ROBO2: variants seen among roughly 807,000 people sequenced by gnomAD.
ROBO2 encodes roundabout homolog 2.
A neutral mutation model predicts 160.8 loss-of-function variants in ROBO2; 53 were observed. The observed-to-expected ratio is 0.33, with a 90% CI of 0.26 to 0.41. ROBO2 has a LOEUF of 0.41. ROBO2 is among the 10% of genes least tolerant of loss of function. ROBO2 has a pLI of 1.00. For synonymous variants in ROBO2, 664 were observed against 611.7 expected (o/e 1.09, Z -1.26); for missense variants, 1,577 against 1,722.4 (o/e 0.92, Z 1.49).
chr3:77,264,331 T>C (rs1441955), intron 2 of ROBO2, among the ~76,000 whole-genome samples: 75,612 of 151,986 alleles, frequency 0.5, 20,028 homozygotes, highest in Middle Eastern at 0.7. Flanking sequence ...TTTTAACAAC[T>C]CCTGACTTTG....
At chr3:76,999,763 C>A (rs2061237629) in intron 2 of ROBO2, among the ~76,000 whole-genome samples, 1 of 152,164 alleles carries the variant, frequency 6.6e-6, no homozygotes, top group African/African-American at 2.4e-5. Context: ...TGTTGAGGCT[C>A]CTAAGGCAGG....
intron 2 of ROBO2, among the ~76,000 whole-genome samples, chr3:76,930,266 C>T (rs2077251351): frequency 6.6e-6 from 1 of 152,104 alleles, no homozygotes; most frequent in Non-Finnish European, 1.5e-5. Flanking sequence ...CTCTGCCTTC[C>T]AAAGTGCTGG....
At chr3:77,414,079 C>G (rs1038681531) in intron 2 of ROBO2, among the ~76,000 whole-genome samples, 4 of 151,482 alleles carry the variant, frequency 2.6e-5, no homozygotes, top group Non-Finnish European at 4.4e-5. Flanking sequence ...GAGGACCCAG[C>G]AGAGGAGACT....
chr3:76,744,757 A>C (rs1208250126), intron 2 of ROBO2, among the ~76,000 whole-genome samples: 1 of 134,050 alleles, frequency 7.5e-6, no homozygotes, highest in Non-Finnish European at 1.6e-5. Context: ...ACTTAAAAAA[A>C]ATCTACTAAA....
intron 2 of ROBO2, among the ~76,000 whole-genome samples, chr3:76,299,066 T>C (rs1709230334): frequency 6.6e-6 from 1 of 152,206 alleles, no homozygotes; most frequent in African/African-American, 2.4e-5. Flanking sequence ...TTCAGGTGCC[T>C]TACACATACA....
intron 16 of ROBO2, 104 bp from the exon 18 acceptor site, chr3:77,588,647 T>C: frequency 9.2e-7 from 1 of 1,084,082 alleles, no homozygotes; most frequent in Non-Finnish European, 1.4e-6. Context: ...TAAACAAGCA[T>C]TTCCTGCCTT....
chr3:76,460,356 A>T (rs2078017985), intron 2 of ROBO2, among the ~76,000 whole-genome samples: 1 of 152,172 alleles, frequency 6.6e-6, no homozygotes, highest in African/African-American at 2.4e-5. Context: ...AATAACAGGA[A>T]ACCTATAAGT....
At chr3:76,667,361 G>A (rs933231457) in intron 2 of ROBO2, among the ~76,000 whole-genome samples, 1 of 152,050 alleles carries the variant, frequency 6.6e-6, no homozygotes, top group Non-Finnish European at 1.5e-5. Flanking sequence ...GTTTTTTCCT[G>A]TTATTGTAAA....
chr3:77,010,770 ACTTCATGTT>A (rs1428024477), intron 2 of ROBO2, among the ~76,000 whole-genome samples: 2 of 147,786 alleles, frequency 1.4e-5, no homozygotes, highest in African/African-American at 5.3e-5. Flanking sequence ...CCTCTGATTT[ACTTCATGTT>A]CTTCATATTC....
At chr3:76,014,285 T>C (rs1048024037) in intron 2 of ROBO2, among the ~76,000 whole-genome samples, 32 of 130,282 alleles carry the variant, frequency 2.5e-4, no homozygotes, top group African/African-American at 8.6e-4. Context: ...ATAAAGGCAA[T>C]TGGGGGCTGG....
chr3:77,500,909 C>A (rs1345965981), intron 5 of ROBO2, among the ~76,000 whole-genome samples: 1 of 152,180 alleles, frequency 6.6e-6, no homozygotes, highest in African/African-American at 2.4e-5. Context: ...AACTAACAAG[C>A]TGGAACACAC....
intron 2 of ROBO2, among the ~76,000 whole-genome samples, chr3:76,790,787 C>T (rs953025103): frequency 2.6e-4 from 40 of 151,708 alleles, no homozygotes; most frequent in Non-Finnish European, 5.3e-4. Context: ...CTTACCTATA[C>T]CTTTAAAATA....
intron 2 of ROBO2, among the ~76,000 whole-genome samples, chr3:75,942,220 C>T (rs1576235935): frequency 6.6e-6 from 1 of 152,094 alleles, no homozygotes; most frequent in African/African-American, 2.4e-5. Flanking sequence ...AAGGAATAAT[C>T]ACTTTGAAAA....
At chr3:76,215,531 G>A (rs1575918482) in intron 2 of ROBO2, among the ~76,000 whole-genome samples, 1 of 152,172 alleles carries the variant, frequency 6.6e-6, no homozygotes, top group Non-Finnish European at 1.5e-5. Flanking sequence ...CTCAGTAGTC[G>A]ATGTGATCAA....
Position 77,142,977 on chromosome 3 carries a change from A to G in ROBO2, c.388+44637A>G, listed in dbSNP as rs565799758. On this transcript the variant is annotated intron_variant, in intron 2 of 25. Coordinates refer to ENST00000461745, the Ensembl canonical transcript of ROBO2. ...AGTCACTCTGTCAACGGAAAACAAA[A>G]TGAATAAGGCCGGGAGAAATGAAGT... 3.3e-5 allele frequency among the ~76,000 whole-genome samples: 5 copies of G among 152,220 alleles called. No individual in the cohort carries two copies. The South Asian group carries it at 1.0e-3, about 32-fold the overall frequency.
intron 2 of ROBO2, among the ~76,000 whole-genome samples, chr3:76,115,929 A>T (rs1455892445): frequency 2.0e-5 from 3 of 152,172 alleles, no homozygotes; most frequent in African/African-American, 7.2e-5. Context: ...AAATGCCTTC[A>T]TGTTTGTTGG....
intron 2 of ROBO2, among the ~76,000 whole-genome samples, chr3:76,039,266 T>C (rs2067209388): frequency 6.6e-6 from 1 of 151,870 alleles, no homozygotes; most frequent in African/African-American, 2.4e-5. Context: ...GTTGTGTTTG[T>C]GGTAAAAGAG....
intron 2 of ROBO2, among the ~76,000 whole-genome samples, chr3:76,435,707 A>G (rs369740463): frequency 5.9e-5 from 9 of 152,156 alleles, no homozygotes; most frequent in Non-Finnish European, 7.4e-5. Context: ...ACTATGATGC[A>G]TTTTAGCTTT....
chr3:77,493,522 C>A, intron 5 of ROBO2, 140 bp downstream of exon 5: 1 of 884,354 alleles, frequency 1.1e-6, no homozygotes, highest in Admixed American at 2.0e-5. Flanking sequence ...ATGCAAGCCA[C>A]ATATTTACTG....
Sources: gnomAD v4.1 joint callset for allele counts (sites outside exome capture counted in the v4.1 genomes callset) on GRCh38, gnomAD v4.1.1 for gene constraint, MANE v1.5 for transcripts, NCBI Gene and HGNC (gene_info 2026-07-23, HGNC 2026-07-21) for gene names.